The following ANXA7 variants were observed in gnomAD, a reference collection of about 807,000 sequenced individuals.
The protein encoded by ANXA7 is annexin A7, also known as annexin VII.
ANXA7 carries 55 observed loss-of-function variants against 64.9 expected under a neutral mutation model. The observed-to-expected ratio is 0.85, with a 90% CI of 0.68 to 1.06. ANXA7 has a LOEUF of 1.06. ANXA7 is among the 50% of genes least tolerant of loss of function. ANXA7 has a pLI of 0.00. For missense variants in ANXA7, 548 were observed against 582.1 expected (o/e 0.94, Z 0.60); for synonymous variants, 200 against 192.4 (o/e 1.04, Z -0.33).
chr10:73,375,856 C>T lies in ANXA7; in HGVS notation c.*239G>A. The T allele has an allele frequency of 3.5e-6, 1 of 288,372 alleles. No individual in the cohort carries two copies. Among genetic ancestry groups the T allele is most frequent in the Non-Finnish European group, 6.3e-6 (1 of 157,562 alleles). 17.9% of individuals were successfully genotyped at this position (288,372 alleles called of 1,614,324 possible). ...ACTAGTAAGAATGAAGGTTTACAAA[C>T]ATTGCAATATTACTGTATCATTGTG... is the stretch of plus-strand genomic sequence containing the variant. On this transcript the variant is annotated 3_prime_UTR_variant, in exon 13 of 13. Coordinates refer to ENST00000372921, the MANE Select transcript of ANXA7 (RefSeq NM_001156.5).
intron 12 of ANXA7, among the ~76,000 whole-genome samples, chr10:73,377,766 G>GT (rs2055199161): frequency 4.2e-5 from 6 of 142,832 alleles, no homozygotes; most frequent in African/African-American, 1.4e-4. Context: ...GCCGGGGGGT[G>GT]GGTGTGGGTG....
intron 2 of ANXA7, among the ~76,000 whole-genome samples, chr10:73,399,959 T>C (rs548788608): frequency 1.3e-5 from 2 of 152,058 alleles, no homozygotes; most frequent in Admixed American, 6.6e-5. Flanking sequence ...CTGGCCAACA[T>C]GGTGAAATTC....
intron 5 of ANXA7, chr10:73,396,017 T>A (rs1308096215): frequency 7.1e-7 from 1 of 1,405,414 alleles, no homozygotes; most frequent in Admixed American, 1.7e-5. Context: ...ACCTAGTGAT[T>A]AGTAAACATT....
intron 1 of ANXA7, among the ~76,000 whole-genome samples, chr10:73,406,966 C>T (rs149676927): frequency 2.0e-5 from 3 of 152,262 alleles, no homozygotes; most frequent in Non-Finnish European, 4.4e-5. Context: ...TTGCTTAAGC[C>T]ATTCTTATCA....
At chr10:73,401,193 C>T (rs143068517) in intron 1 of ANXA7, among the ~76,000 whole-genome samples, 80 of 151,906 alleles carry the variant, frequency 5.3e-4, no homozygotes, top group Middle Eastern at 3.4e-3. Context: ...TGTGAGCCAC[C>T]GCGCCCAGCC....
Position 73,398,260 on chromosome 10 carries a change from G to A in ANXA7, c.180C>T (p.Tyr60=). The A allele has an allele frequency of 6.2e-7, 1 of 1,614,068 alleles. No homozygotes were observed. Among genetic ancestry groups the A allele is most frequent in the South Asian group, 1.1e-5 (1 of 91,068 alleles). The change falls in exon 3 of 13, where the codon TAC becomes TAT. Residue 60 remains tyrosine, a synonymous_variant. Coordinates refer to ENST00000372921, the MANE Select transcript of ANXA7 (RefSeq NM_001156.5). ...PSSGYPGAGG[Y]PAPGGYPAPG... is the part of the protein sequence containing the mutation. The stretch of plus-strand genomic sequence containing the variant: ...GGGCTGGATAACCTCCAGGCGCAGG[G>A]TAGCCTCCAGCTCCTGGGTAGCCAC...
chr10:73,412,634 C>T (rs1457990046), intron 1 of ANXA7, among the ~76,000 whole-genome samples: 2 of 151,436 alleles, frequency 1.3e-5, no homozygotes, highest in Non-Finnish European at 2.9e-5. Flanking sequence ...GCTGGGATTA[C>T]AGGCGCGCGC....
chr10:73,410,880 C>T (rs2055828516), intron 1 of ANXA7, among the ~76,000 whole-genome samples: 1 of 150,286 alleles, frequency 6.7e-6, no homozygotes, highest in Non-Finnish European at 1.5e-5. Context: ...CTACAGAAAA[C>T]AGTATGGAGA....
At chr10:73,397,308 C>G (rs1309572121) in intron 3 of ANXA7, 34 bp from the exon 4 acceptor site, 3 of 1,394,012 alleles carry the variant, frequency 2.2e-6, no homozygotes, top group Non-Finnish European at 2.0e-6. Context: ...AACTATAGTA[C>G]AGTTCTCATG....
intron 1 of ANXA7, among the ~76,000 whole-genome samples, chr10:73,402,986 G>A (rs573213918): frequency 4.8e-4 from 73 of 152,154 alleles, no homozygotes; most frequent in Middle Eastern, 6.8e-3. Flanking sequence ...CACCGTGCCT[G>A]GCTAATTTTT....
chr10:73,387,027 G>A (rs2055384305), intron 7 of ANXA7, among the ~76,000 whole-genome samples: 1 of 152,138 alleles, frequency 6.6e-6, no homozygotes, highest in South Asian at 2.1e-4. Context: ...AGCAGAAGGC[G>A]ATGCCCAGGA....
Position 73,378,946 on chromosome 10 carries a change from A to T in ANXA7, c.1243T>A (p.Ser415Thr). ...GTGACCACAATCCGGACCAGGGTGG[A>T]GTCATCTGTGCCAGCACCTTTCATA... is the stretch of plus-strand genomic sequence containing the variant. ...YAMKGAGTDD[S>T]TLVRIVVTRS... The change falls in exon 12 of 13, where the codon TCC (serine) becomes ACC (threonine). Residue 415 changes from serine (S) to threonine (T), a missense_variant. By Grantham distance (58) the Ser-to-Thr change is moderately conservative. Transcript: ENST00000372921. 2 of 1,613,696 alleles carry T rather than the reference A, an allele frequency of 1.2e-6. No individual in the cohort carries two copies. The highest frequency in any genetic ancestry group is 1.7e-6 in the Non-Finnish European group (2 of 1,179,788).
chr10:73,396,717 T>C (rs1355777131), intron 4 of ANXA7, 134 bp from the exon 5 acceptor site: 3 of 549,498 alleles, frequency 5.5e-6, no homozygotes, highest in Non-Finnish European at 9.1e-6. Context: ...AGGATAGTTT[T>C]TAAAAATATA....
intron 12 of ANXA7, among the ~76,000 whole-genome samples, chr10:73,377,904 C>CGTGTGT (rs141696096): frequency 3.1e-4 from 37 of 119,370 alleles, no homozygotes; most frequent in African/African-American, 7.1e-4. Context: ...CACGCCCCGG[C>CGTGTGT]GTGTGTGTGT....
chr10:73,406,936 G>A (rs1279381786), intron 1 of ANXA7, among the ~76,000 whole-genome samples: 1 of 152,088 alleles, frequency 6.6e-6, no homozygotes, highest in African/African-American at 2.4e-5. Context: ...TCTATCACTT[G>A]AACCATTCCC....
At position 73,375,498 on chromosome 10, in the gene ANXA7, G is replaced by A. The variant is rs547283875; in HGVS notation, c.*597C>T. Reference sequence around the variant, plus strand: ...CAATTTAAAAAAAGAAAACAACTGCGAAAAAAAAGTAGGCTATGTATCTTA... The same window carrying A: ...CAATTTAAAAAAAGAAAACAACTGCAAAAAAAAAGTAGGCTATGTATCTTA... On this transcript the variant is annotated 3_prime_UTR_variant, in exon 13 of 13. Coordinates refer to ENST00000372921, the MANE Select transcript of ANXA7 (RefSeq NM_001156.5). The A allele has an allele frequency of 2.8e-4, 42 of 151,746 alleles. No individual in the cohort carries two copies. The highest frequency in any genetic ancestry group is 9.7e-4 in the African/African-American group (40 of 41,374). 9.4% of individuals were successfully genotyped at this position (151,746 alleles called of 1,614,324 possible).
intron 5 of ANXA7, among the ~76,000 whole-genome samples, chr10:73,393,590 C>G (rs866424937): frequency 5.3e-5 from 8 of 152,048 alleles, no homozygotes; most frequent in African/African-American, 9.6e-5. Context: ...ACAAACCTGA[C>G]AAAAACAAGA....
chr10:73,404,697 G>C (rs2055724435), intron 1 of ANXA7, among the ~76,000 whole-genome samples: 1 of 146,794 alleles, frequency 6.8e-6, no homozygotes, highest in Non-Finnish European at 1.5e-5. Flanking sequence ...TGTGGATAAA[G>C]ACAAATATCC....
chr10:73,398,533 T>C, intron 2 of ANXA7, 148 bp from the exon 3 acceptor site: 1 of 716,454 alleles, frequency 1.4e-6, no homozygotes, highest in Non-Finnish European at 2.2e-6. Flanking sequence ...TATCTTATAC[T>C]AGTTTATCAG....
Sources: gnomAD v4.1 joint callset for allele counts (sites outside exome capture counted in the v4.1 genomes callset) on GRCh38, gnomAD v4.1.1 for gene constraint, MANE v1.5 for transcripts, NCBI Gene and HGNC (gene_info 2026-07-23, HGNC 2026-07-21) for gene names.